The following CHIC2 variants were observed in gnomAD, a reference collection of about 807,000 sequenced individuals.
CHIC2 encodes cysteine-rich hydrophobic domain-containing protein 2.
In CHIC2, 14 loss-of-function variants were observed where a neutral mutation model predicts 25.9. The observed-to-expected ratio is 0.54, with a 90% CI of 0.36 to 0.85. The LOEUF (loss-of-function observed/expected upper bound fraction) is 0.85. Ranked by LOEUF, CHIC2 falls within the 40% of genes least tolerant of loss-of-function variation. The pLI is 0.01. For synonymous variants in CHIC2, 70 were observed against 72.0 expected (o/e 0.97, Z 0.14); for missense variants, 146 against 202.0 (o/e 0.72, Z 1.68).
chr4:54,022,221 C>A lies in CHIC2; in HGVS notation c.331-8102G>T, dbSNP rs764572390. Among the ~76,000 whole-genome samples the A allele has an allele frequency of 2.5e-4, 38 of 152,170 alleles. 1 individual carries two copies. The highest frequency in any genetic ancestry group is 6.5e-4 in the Admixed American group (10 of 15,278). On this transcript the variant is annotated intron_variant, in intron 3 of 5. Coordinates refer to ENST00000263921, the MANE Select transcript of CHIC2 (RefSeq NM_012110.4). The stretch of plus-strand genomic sequence containing the variant: ...AGCCACTCCCAGAGCCCCTGGAACT[C>A]TGGCCCAAGGCTCTCTGACTGACTT...
At chr4:54,072,776 T>C in the CHIC2 span, among the ~76,000 whole-genome samples, 1 of 152,120 alleles carries the variant, frequency 6.6e-6, no homozygotes, top group East Asian at 1.9e-4. Context: ...CCTTCAAATA[T>C]GTTAAGATGT....
At chr4:54,068,274 G>T (rs1468920220), upstream of CHIC2, among the ~76,000 whole-genome samples, 2 of 152,108 alleles carry the variant, frequency 1.3e-5, no homozygotes, top group African/African-American at 4.8e-5. Context: ...GATGGTATTA[G>T]GAAATATTAG....
intron 3 of CHIC2, among the ~76,000 whole-genome samples, chr4:54,047,940 ACATT>A (rs1435122086): frequency 5.1e-4 from 78 of 152,142 alleles, no homozygotes; most frequent in Admixed American, 2.6e-3. Flanking sequence ...AGAATATAAT[ACATT>A]CAATCTATAA....
At chr4:54,010,449 A>G (rs1332578600) in intron 5 of CHIC2, among the ~76,000 whole-genome samples, 1 of 152,118 alleles carries the variant, frequency 6.6e-6, no homozygotes, top group South Asian at 2.1e-4. Context: ...ACACTGGAGG[A>G]GCAAACATGC....
At chr4:54,038,416 A>C (rs183738546) in intron 3 of CHIC2, among the ~76,000 whole-genome samples, 234 of 152,340 alleles carry the variant, frequency 1.5e-3, no homozygotes, top group African/African-American at 5.4e-3. Context: ...AGCTAATAAA[A>C]CATGAGCATA....
chr4:54,035,235 G>A (rs1016914998), intron 3 of CHIC2, among the ~76,000 whole-genome samples: 4 of 152,094 alleles, frequency 2.6e-5, no homozygotes, highest in Non-Finnish European at 4.4e-5. Flanking sequence ...TTTGGCCTCA[G>A]GGTAACGATG....
At chr4:54,024,768 C>T (rs1242411537) in intron 3 of CHIC2, among the ~76,000 whole-genome samples, 2 of 152,140 alleles carry the variant, frequency 1.3e-5, no homozygotes, top group East Asian at 3.9e-4. Flanking sequence ...CTGGGTCCTC[C>T]CAACTCTCAG....
intron 3 of CHIC2, among the ~76,000 whole-genome samples, chr4:54,030,211 A>G (rs895518646): frequency 6.6e-6 from 1 of 152,194 alleles, no homozygotes; most frequent in East Asian, 1.9e-4. Context: ...TAAGAAACCT[A>G]TATTAAAATA....
At chr4:54,013,982 T>G in intron 4 of CHIC2, 81 bp downstream of exon 4, 1 of 1,598,424 alleles carries the variant, frequency 6.3e-7, no homozygotes, top group Non-Finnish European at 8.6e-7. Flanking sequence ...CCTTTCATAT[T>G]TTTAGTTCAA....
At chr4:54,020,325 C>A (rs1715861633) in intron 3 of CHIC2, among the ~76,000 whole-genome samples, 1 of 152,176 alleles carries the variant, frequency 6.6e-6, no homozygotes, top group African/African-American at 2.4e-5. Context: ...TAGATCCACC[C>A]CCTGCCACAA....
At chr4:54,055,035 C>A (rs746105770) in intron 1 of CHIC2, among the ~76,000 whole-genome samples, 1 of 152,012 alleles carries the variant, frequency 6.6e-6, no homozygotes, top group Non-Finnish European at 1.5e-5. Flanking sequence ...AAGACTTGAA[C>A]TGACTTATGT....
chr4:54,047,857 T>C (rs1716883765), intron 3 of CHIC2, among the ~76,000 whole-genome samples: 1 of 151,854 alleles, frequency 6.6e-6, no homozygotes, highest in Non-Finnish European at 1.5e-5. Context: ...AAAAATAAAA[T>C]TTATTTATTT....
intron 3 of CHIC2, among the ~76,000 whole-genome samples, chr4:54,030,660 A>G (rs1716201842): frequency 6.8e-6 from 1 of 147,476 alleles, no homozygotes; most frequent in South Asian, 2.1e-4. Context: ...ATTTACTAAA[A>G]TGCTAATTTT....
At position 54,048,989 on chromosome 4, in the gene CHIC2, C is replaced by T; in HGVS notation, c.296G>A (p.Cys99Tyr). The T allele has an allele frequency of 6.3e-7, 1 of 1,597,456 alleles. No individual in the cohort carries two copies. The highest frequency in any genetic ancestry group is 1.1e-5 in the South Asian group (1 of 88,978). The change falls in exon 3 of 6, where the codon TGC (cysteine) becomes TAC (tyrosine). Residue 99 changes from cysteine to tyrosine, a missense_variant. Cys to Tyr is a radical substitution (Grantham distance 194, BLOSUM62 -2). Transcript: ENST00000263921. Reference protein sequence around the residue: ...GCLCCCCTLGCSMWPVICLSK... With the variant: ...GCLCCCCTLGYSMWPVICLSK... The stretch of plus-strand genomic sequence containing the variant: ...GAGGCAAATAACTGGCCACATACTG[C>T]AACCTAATGTGCAGCAGCAACAAAG...
the CHIC2 span, among the ~76,000 whole-genome samples, chr4:54,086,430 C>T: frequency 6.6e-6 from 1 of 152,156 alleles, no homozygotes; most frequent in South Asian, 2.1e-4. Context: ...GATGTAAATT[C>T]ACCCTCTCTT....
intron 3 of CHIC2, among the ~76,000 whole-genome samples, chr4:54,042,099 C>A (rs1230661193): frequency 2.0e-5 from 3 of 151,918 alleles, no homozygotes. Context: ...ATATCCTTCA[C>A]ACATGCATGA....
intron 1 of CHIC2, among the ~76,000 whole-genome samples, chr4:54,058,881 A>G (rs968798182): frequency 2.0e-5 from 3 of 152,224 alleles, no homozygotes. Context: ...TATCATAATA[A>G]TTACATATAA....
At chr4:54,089,180 G>T in the CHIC2 span, among the ~76,000 whole-genome samples, 1 of 152,182 alleles carries the variant, frequency 6.6e-6, no homozygotes, top group East Asian at 1.9e-4. Flanking sequence ...CATAAGGACA[G>T]AATTCCTTTC....
chr4:54,044,648 G>A (rs568055541), intron 3 of CHIC2, among the ~76,000 whole-genome samples: 3,943 of 152,200 alleles, frequency 0.026, 68 homozygotes, highest in Non-Finnish European at 0.037. Context: ...ATTCAAAGCA[G>A]TGTGTAGAGG....
Sources: gnomAD v4.1 joint callset for allele counts (sites outside exome capture counted in the v4.1 genomes callset) on GRCh38, gnomAD v4.1.1 for gene constraint, MANE v1.5 for transcripts, NCBI Gene and HGNC (gene_info 2026-07-23, HGNC 2026-07-21) for gene names.